ENTREP2: variants seen among roughly 807,000 people sequenced by gnomAD.
ENTREP2 encodes endosomal transmembrane epsin interactor 2.
the ENTREP2 span, among the ~76,000 whole-genome samples, chr15:29,397,605 A>C: frequency 6.6e-6 from 1 of 152,202 alleles, no homozygotes; most frequent in African/African-American, 2.4e-5. Flanking sequence ...CATGGGCTCT[A>C]TGCAAATAAA....
At chr15:29,322,776 T>A in the ENTREP2 span, among the ~76,000 whole-genome samples, 155 of 152,336 alleles carry the variant, frequency 1.0e-3, no homozygotes, top group African/African-American at 3.6e-3. Flanking sequence ...CCCACCCTCC[T>A]TCCCTTCCTG....
At chr15:29,189,880 G>A in the ENTREP2 span, among the ~76,000 whole-genome samples, 15 of 152,284 alleles carry the variant, frequency 9.9e-5, no homozygotes, top group Non-Finnish European at 1.8e-4. Context: ...TACAAAAGCC[G>A]AGACACTGTT....
At chr15:29,284,931 T>C in the ENTREP2 span, among the ~76,000 whole-genome samples, 2 of 152,210 alleles carry the variant, frequency 1.3e-5, no homozygotes, top group South Asian at 4.1e-4. Flanking sequence ...TTGAGGATTC[T>C]TGAAATGAAA....
the ENTREP2 span, among the ~76,000 whole-genome samples, chr15:29,348,838 A>G: frequency 7.3e-3 from 1,118 of 152,360 alleles, 18 homozygotes; most frequent in African/African-American, 0.025. Context: ...CCTGTCTCCT[A>G]TAAGTTAAGC....
At chr15:29,175,322 C>A in the ENTREP2 span, among the ~76,000 whole-genome samples, 4 of 152,166 alleles carry the variant, frequency 2.6e-5, no homozygotes, top group Non-Finnish European at 5.9e-5. Flanking sequence ...AATGTGCTGC[C>A]GGTAACGCTT....
the ENTREP2 span, chr15:29,269,767 G>T: frequency 7.2e-7 from 1 of 1,390,096 alleles, no homozygotes; most frequent in South Asian, 1.6e-5. Flanking sequence ...GGGGATTGCG[G>T]GTCGGCGACC....
At chr15:29,327,875 G>A in the ENTREP2 span, among the ~76,000 whole-genome samples, 1 of 152,152 alleles carries the variant, frequency 6.6e-6, no homozygotes, top group African/African-American at 2.4e-5. Context: ...CAGCCACTTA[G>A]GAAAACAGTT....
chr15:29,295,727 C>G, the ENTREP2 span, among the ~76,000 whole-genome samples: 1 of 152,152 alleles, frequency 6.6e-6, no homozygotes, highest in East Asian at 1.9e-4. Flanking sequence ...GATAACCATC[C>G]TGGCTACTAA....
At chr15:29,412,160 A>C in the ENTREP2 span, among the ~76,000 whole-genome samples, 2 of 152,182 alleles carry the variant, frequency 1.3e-5, no homozygotes, top group Non-Finnish European at 2.9e-5. Flanking sequence ...TGGAAAAAAA[A>C]AACAGCCATC....
chr15:29,538,310 C>A, the ENTREP2 span, among the ~76,000 whole-genome samples: 444 of 152,226 alleles, frequency 2.9e-3, 1 homozygote, highest in African/African-American at 9.8e-3. Context: ...GAGTTCAATT[C>A]AGCAGGGCTG....
At chr15:29,335,044 G>A in the ENTREP2 span, among the ~76,000 whole-genome samples, 1 of 152,164 alleles carries the variant, frequency 6.6e-6, no homozygotes, top group Admixed American at 6.5e-5. Context: ...CAAACGTATG[G>A]CCCCAGCACA....
chr15:29,621,466 T>C, the ENTREP2 span, among the ~76,000 whole-genome samples: 2 of 128,752 alleles, frequency 1.6e-5, no homozygotes, highest in Non-Finnish European at 3.1e-5. Flanking sequence ...GAGCTTGCAG[T>C]GAGCCGAGAT....
the ENTREP2 span, among the ~76,000 whole-genome samples, chr15:29,309,634 C>G: frequency 1.5e-5 from 2 of 135,728 alleles, no homozygotes; most frequent in African/African-American, 6.5e-5. Flanking sequence ...ACTAAAAATA[C>G]AAAAAATTAG....
At chr15:29,637,501 T>C in the ENTREP2 span, among the ~76,000 whole-genome samples, 1 of 152,194 alleles carries the variant, frequency 6.6e-6, no homozygotes. Flanking sequence ...TGTCCATGAA[T>C]AACTGGATGT....
At chr15:29,323,089 T>G in the ENTREP2 span, among the ~76,000 whole-genome samples, 1 of 152,202 alleles carries the variant, frequency 6.6e-6, no homozygotes, top group Non-Finnish European at 1.5e-5. Flanking sequence ...TGTGAAATAT[T>G]TGGTCTTGAC....
chr15:29,441,305 G>A, the ENTREP2 span, among the ~76,000 whole-genome samples: 1 of 152,182 alleles, frequency 6.6e-6, no homozygotes, highest in Non-Finnish European at 1.5e-5. Flanking sequence ...CAGAGCCTGG[G>A]GAGAGGAGGG....
chr15:29,353,099 T>C, the ENTREP2 span, among the ~76,000 whole-genome samples: 1 of 152,120 alleles, frequency 6.6e-6, no homozygotes, highest in African/African-American at 2.4e-5. Context: ...TCAGAAAATG[T>C]GGGATAGCAG....
chr15:29,463,503 T>C, the ENTREP2 span, among the ~76,000 whole-genome samples: 349 of 147,260 alleles, frequency 2.4e-3, 2 homozygotes, highest in African/African-American at 8.0e-3. Context: ...AGTCTGTAAA[T>C]TATACAGCAG....
the ENTREP2 span, among the ~76,000 whole-genome samples, chr15:29,118,975 G>A: frequency 6.6e-6 from 1 of 152,176 alleles, no homozygotes; most frequent in Non-Finnish European, 1.5e-5. Flanking sequence ...TGAGCTCCTT[G>A]CTGTGGGCAC....
Sources: gnomAD v4.1 joint callset for allele counts (sites outside exome capture counted in the v4.1 genomes callset) on GRCh38, gnomAD v4.1.1 for gene constraint, MANE v1.5 for transcripts, NCBI Gene and HGNC (gene_info 2026-07-23, HGNC 2026-07-21) for gene names.